Variants in SLC4A4 observed in about 807,000 individuals in gnomAD.
The protein encoded by SLC4A4 is solute carrier family 4 member 4.
A neutral mutation model predicts 111.5 loss-of-function variants in SLC4A4; 27 were observed. The observed-to-expected ratio is 0.24, with a 90% CI of 0.18 to 0.33. The LOEUF is 0.33. Among genes scored for constraint, SLC4A4 ranks in the 10% least tolerant of loss-of-function variants. The pLI is 1.00. For synonymous variants in SLC4A4, 443 were observed against 463.4 expected (o/e 0.96, Z 0.57); for missense variants, 909 against 1,315.5 (o/e 0.69, Z 4.78).
chr4:71,216,942 C>G (rs907657840), intron 1 of SLC4A4, among the ~76,000 whole-genome samples: 8 of 152,260 alleles, frequency 5.3e-5, no homozygotes, highest in Middle Eastern at 3.4e-3. Context: ...TTCTCCACAA[C>G]TGAACAATGT....
At chr4:71,450,322 C>A in intron 9 of SLC4A4, 67 bp from the exon 10 acceptor site, 1 of 1,120,772 alleles carries the variant, frequency 8.9e-7, no homozygotes, top group Non-Finnish European at 1.4e-6. Context: ...ATTCTTCAGG[C>A]TTGATATGGT....
intron 6 of SLC4A4, among the ~76,000 whole-genome samples, chr4:71,368,750 T>C (rs1453196249): frequency 6.6e-6 from 1 of 152,242 alleles, no homozygotes; most frequent in Non-Finnish European, 1.5e-5. Context: ...ATATAATTTA[T>C]GTTTTGTGTA....
chr4:71,550,698 C>G (rs913376748), intron 20 of SLC4A4, among the ~76,000 whole-genome samples: 3 of 151,868 alleles, frequency 2.0e-5, no homozygotes, highest in African/African-American at 7.2e-5. Context: ...TGGCTCAACA[C>G]CATTTCTGCA....
At chr4:71,479,224 C>A (rs1383082225) in intron 14 of SLC4A4, among the ~76,000 whole-genome samples, 4 of 151,660 alleles carry the variant, frequency 2.6e-5, no homozygotes, top group South Asian at 2.1e-4. Flanking sequence ...AAGTGCATCC[C>A]TGTCTATATT....
intron 3 of SLC4A4, among the ~76,000 whole-genome samples, chr4:71,273,737 G>A (rs931812712): frequency 6.6e-6 from 1 of 150,396 alleles, no homozygotes; most frequent in Non-Finnish European, 1.5e-5. Context: ...GCATAGATAA[G>A]TAGTTGAGAA....
In SLC4A4 at chr4:71,364,091, C is replaced by T. The variant is rs550102368; in HGVS notation, c.730+6904C>T. 3.9e-5 allele frequency among the ~76,000 whole-genome samples: 6 copies of T among 152,292 alleles called. No individual in the cohort carries two copies. In the East Asian group the frequency reaches 1.2e-3, roughly 29 times the overall value. On this transcript the variant is annotated intron_variant, in intron 6 of 25. Transcript: ENST00000264485. The stretch of plus-strand genomic sequence containing the variant: ...TCTCAGTATTTGCTGACCTATTCCA[C>T]TCTTTATAGCAATGAAGAGTTGGGC...
At chr4:71,408,585 A>G (rs1445601564) in intron 7 of SLC4A4, among the ~76,000 whole-genome samples, 2 of 152,168 alleles carry the variant, frequency 1.3e-5, no homozygotes, top group Non-Finnish European at 2.9e-5. Flanking sequence ...ATACTGCTCT[A>G]TCCACACTGT....
intron 7 of SLC4A4, among the ~76,000 whole-genome samples, chr4:71,426,834 C>T (rs1410432616): frequency 1.3e-5 from 2 of 152,192 alleles, no homozygotes; most frequent in Middle Eastern, 3.4e-3. Context: ...GTGGTGTGTA[C>T]ATTCCTATAA....
chr4:71,359,586 A>C (rs1407396839), intron 6 of SLC4A4, among the ~76,000 whole-genome samples: 3 of 152,186 alleles, frequency 2.0e-5, no homozygotes. Flanking sequence ...GGGTTTAATT[A>C]CTTAATATCT....
intron 18 of SLC4A4, among the ~76,000 whole-genome samples, chr4:71,541,653 TTGA>T (rs1735074391): frequency 6.6e-6 from 1 of 151,824 alleles, no homozygotes; most frequent in Non-Finnish European, 1.5e-5. Flanking sequence ...CAGCTTGGGC[TTGA>T]TGGGGTCAGA....
intron 2 of SLC4A4, among the ~76,000 whole-genome samples, chr4:71,137,869 G>T (rs1261522264): frequency 6.6e-6 from 1 of 152,156 alleles, no homozygotes; most frequent in Non-Finnish European, 1.5e-5. Flanking sequence ...GGAAGTTTCA[G>T]TCACAAAGAA....
intron 15 of SLC4A4, among the ~76,000 whole-genome samples, chr4:71,494,623 T>C (rs1730233026): frequency 6.6e-6 from 1 of 152,054 alleles, no homozygotes; most frequent in Non-Finnish European, 1.5e-5. Context: ...ACTGTCTTGT[T>C]CTTAAAGTTC....
At chr4:71,516,770 T>A (rs1054767840) in intron 16 of SLC4A4, among the ~76,000 whole-genome samples, 7 of 152,236 alleles carry the variant, frequency 4.6e-5, no homozygotes, top group African/African-American at 1.7e-4. Flanking sequence ...TTCTGTGAGT[T>A]CCTTCTTGGA....
intron 22 of SLC4A4, among the ~76,000 whole-genome samples, chr4:71,558,570 T>C (rs1184905430): frequency 1.3e-5 from 2 of 151,908 alleles, no homozygotes. Flanking sequence ...CATAACTCTT[T>C]ACTTCTTGCA....
chr4:71,484,628 C>G (rs1034593520), intron 14 of SLC4A4, among the ~76,000 whole-genome samples: 3 of 150,906 alleles, frequency 2.0e-5, no homozygotes, highest in Non-Finnish European at 4.5e-5. Context: ...TTCTTTTTGG[C>G]TATTTGGGCT....
Position 71,331,428 on chromosome 4 carries a change from G to GT in SLC4A4, c.254-7941dup, listed in dbSNP as rs1727981853. Among the ~76,000 whole-genome samples the GT allele has an allele frequency of 4.6e-5, 7 of 152,268 alleles. No individual in the cohort carries two copies. The South Asian group carries it at 1.5e-3, about 32-fold the overall frequency. On this transcript the variant is annotated intron_variant, in intron 3 of 25. Transcript: ENST00000264485. ...AAAAAATGATGAGTTCATGTCCTTT[G>GT]TAGGGACATGGATGAAGCTGGAAAC...
chr4:71,194,402 G>C (rs1374208496), intron 1 of SLC4A4, among the ~76,000 whole-genome samples: 1 of 152,196 alleles, frequency 6.6e-6, no homozygotes, highest in African/African-American at 2.4e-5. Flanking sequence ...TTGGCTGAAT[G>C]AATGAACACA....
chr4:71,099,438 G>A (rs1057373921), intron 2 of SLC4A4, among the ~76,000 whole-genome samples: 17 of 152,068 alleles, frequency 1.1e-4, no homozygotes, highest in African/African-American at 3.9e-4. Context: ...ACACAGCTAA[G>A]GCAGTGTTAA....
intron 16 of SLC4A4, among the ~76,000 whole-genome samples, chr4:71,524,566 C>A (rs769590744): frequency 6.6e-6 from 1 of 152,012 alleles, no homozygotes. Context: ...ATCAGACTTT[C>A]CTTTTATTAA....
Sources: gnomAD v4.1 joint callset for allele counts (sites outside exome capture counted in the v4.1 genomes callset) on GRCh38, gnomAD v4.1.1 for gene constraint, MANE v1.5 for transcripts, NCBI Gene and HGNC (gene_info 2026-07-23, HGNC 2026-07-21) for gene names.